RAPGEF1: variants seen among roughly 807,000 people sequenced by gnomAD.
RAPGEF1 encodes the protein Rap guanine nucleotide exchange factor 1.
A neutral mutation model predicts 143.3 loss-of-function variants in RAPGEF1; 33 were observed. That is an observed-to-expected ratio of 0.23 (90% CI 0.17 to 0.31). The LOEUF (loss-of-function observed/expected upper bound fraction) is 0.31, where lower values mean the gene tolerates loss of function less well. Among genes scored for constraint, RAPGEF1 ranks in the 10% least tolerant of loss-of-function variants. The pLI is 1.00. For missense variants in RAPGEF1, 1,199 were observed against 1,645.4 expected, an observed-to-expected ratio of 0.73 and a Z score of 4.69; for synonymous variants, 629 against 676.5, an observed-to-expected ratio of 0.93 and a Z score of 1.09.
chr9:131,598,454 G>A (rs1955677373), intron 15 of RAPGEF1, 144 bp from the exon 16 acceptor site: 2 of 720,576 alleles, frequency 2.8e-6, no homozygotes, highest in Non-Finnish European at 5.0e-6. Flanking sequence ...CTATGGACTG[G>A]ATCCTCAGCT....
rs367704915 is a variant in RAPGEF1 at position 131,605,127 on chromosome 9, G to A, written c.2123C>T (p.Pro708Leu). ...AGAGGAGGTAGGCGGAAGGAAAGGC[G>A]GAACGGAAGCTTGGTGGTGAGGCAC... ...DFVPHHQASV[P>L]PFLPPTSSSS... Residue 708 changes from proline (P) to leucine (L), a missense_variant, in exon 13 of 27, where the codon CCG becomes CTG. Transcript: ENST00000683357. 5.9e-6 allele frequency: 8 copies of A among 1,363,404 alleles called. No homozygotes were observed. Among genetic ancestry groups the A allele is most frequent in the South Asian group, 2.3e-5 (2 of 87,252 alleles). 84.5% of individuals were successfully genotyped at this position (1,363,404 alleles called of 1,614,324 possible). A position where few individuals can be genotyped will look rare whatever the true frequency, so the allele number is the denominator to read the frequency against.
intron 19 of RAPGEF1, among the ~76,000 whole-genome samples, chr9:131,589,438 G>A (rs1398408565): frequency 6.6e-6 from 1 of 152,254 alleles, no homozygotes. Flanking sequence ...CCAGCAGGAG[G>A]AAGGCAGTCC....
chr9:131,691,390 T>C (rs1343117995), intron 1 of RAPGEF1, among the ~76,000 whole-genome samples: 1 of 152,218 alleles, frequency 6.6e-6, no homozygotes, highest in African/African-American at 2.4e-5. Flanking sequence ...TAGGCTTATC[T>C]GATCATCTGA....
chr9:131,582,186 A>C lies in RAPGEF1; in HGVS notation c.3512+419T>G, dbSNP rs149429415. On this transcript the variant is annotated intron_variant, in intron 25 of 26. Transcript: ENST00000683357. ...TCTCAAGGTCCCTGGGTGGCCGTGC[A>C]TCCTCAGGTTGTTCTAATGCGCAGC... Among the ~76,000 whole-genome samples, 482 of 152,158 alleles carry C rather than the reference A, an allele frequency of 3.2e-3. 2 individuals are homozygous for C. The highest frequency in any genetic ancestry group is 0.011 in the African/African-American group (457 of 41,506).
chr9:131,644,311 G>A (rs1193062586), intron 3 of RAPGEF1, among the ~76,000 whole-genome samples: 2 of 151,738 alleles, frequency 1.3e-5, no homozygotes, highest in East Asian at 3.9e-4. Flanking sequence ...CCAGGTCTCA[G>A]CTGGCTGGCA....
At chr9:131,649,200 ATTTTTTTTTTTTTTT>A (rs55813422) in intron 3 of RAPGEF1, among the ~76,000 whole-genome samples, 117 of 87,254 alleles carry the variant, frequency 1.3e-3, no homozygotes, top group Middle Eastern at 7.1e-3. Context: ...GCCTGGCTAA[ATTTTTTTTTTTTTTT>A]TTTTTTTTTT....
intron 1 of RAPGEF1, among the ~76,000 whole-genome samples, chr9:131,725,750 A>C (rs1836613596): frequency 3.4e-5 from 5 of 148,706 alleles, no homozygotes. Context: ...CCATTTAAAA[A>C]TTGGGTTGTG....
chr9:131,610,378 C>T (rs1214898301), intron 12 of RAPGEF1, among the ~76,000 whole-genome samples: 2 of 152,206 alleles, frequency 1.3e-5, no homozygotes, highest in African/African-American at 2.4e-5. Context: ...ACTTGAGCTC[C>T]AAGCCCTGGA....
chr9:131,701,261 G>A (rs746748789), intron 1 of RAPGEF1, among the ~76,000 whole-genome samples: 14 of 152,106 alleles, frequency 9.2e-5, no homozygotes, highest in Admixed American at 2.0e-4. Flanking sequence ...CAATGGCTAC[G>A]GATAGATATT....
chr9:131,624,106 G>A (rs572361772), intron 10 of RAPGEF1, among the ~76,000 whole-genome samples: 7 of 152,144 alleles, frequency 4.6e-5, no homozygotes, highest in South Asian at 4.2e-4. Context: ...CTTCCTCCTC[G>A]GCTTGGGAGG....
At chr9:131,630,095 C>A (rs535355573) in intron 6 of RAPGEF1, 141 bp downstream of exon 6, 90 of 670,824 alleles carry the variant, frequency 1.3e-4, no homozygotes, top group South Asian at 1.1e-3. Flanking sequence ...AATATACACA[C>A]ACTGCTAACC....
intron 1 of RAPGEF1, among the ~76,000 whole-genome samples, chr9:131,718,348 T>C (rs78009756): frequency 0.017 from 2,520 of 152,174 alleles, 32 homozygotes; most frequent in Middle Eastern, 0.034. Context: ...TCGCTTCACA[T>C]GTGTGGGGAA....
At chr9:131,730,014 GA>G (rs1836927807) in intron 1 of RAPGEF1, among the ~76,000 whole-genome samples, 1 of 151,652 alleles carries the variant, frequency 6.6e-6, no homozygotes, top group Non-Finnish European at 1.5e-5. Context: ...CTAACATGGT[GA>G]AACCCCGTTT....
intron 1 of RAPGEF1, among the ~76,000 whole-genome samples, chr9:131,660,687 CAT>C (rs1973822899): frequency 6.6e-6 from 1 of 152,204 alleles, no homozygotes; most frequent in Admixed American, 6.5e-5. Flanking sequence ...CTGGATGCGA[CAT>C]AGTCAAACTG....
intron 1 of RAPGEF1, among the ~76,000 whole-genome samples, chr9:131,731,050 T>C (rs1394003955): frequency 1.3e-5 from 2 of 152,146 alleles, no homozygotes; most frequent in Admixed American, 6.6e-5. Flanking sequence ...GCATGGGGAA[T>C]AGTCAGATGG....
intron 1 of RAPGEF1, among the ~76,000 whole-genome samples, chr9:131,734,897 A>C (rs1324207650): frequency 5.9e-5 from 9 of 152,252 alleles, no homozygotes; most frequent in Admixed American, 5.9e-4. Context: ...ATCTTCAGGC[A>C]GCGTGCTGGG....
At position 131,582,705 on chromosome 9, in the gene RAPGEF1, G is replaced by T; in HGVS notation, c.3415-3C>A. On this transcript the variant is annotated splice_polypyrimidine_tract_variant and splice_region_variant and intron_variant, in intron 24 of 26. Coordinates refer to ENST00000683357, the MANE Select transcript of RAPGEF1 (RefSeq NM_001377935.1). Reference sequence around the variant, plus strand: ...AGTGTGCAGTACTCGGCCAGGCCCTGGCAGGACAGGACAGGACAGGACCGG... The same window carrying T: ...AGTGTGCAGTACTCGGCCAGGCCCTTGCAGGACAGGACAGGACAGGACCGG... 2 of 1,561,938 alleles carry T rather than the reference G, an allele frequency of 1.3e-6. No individual in the cohort carries two copies. The highest frequency in any genetic ancestry group is 2.4e-5 in the South Asian group (2 of 83,212).
intron 1 of RAPGEF1, among the ~76,000 whole-genome samples, chr9:131,678,455 A>G (rs1483191381): frequency 6.6e-6 from 1 of 152,222 alleles, no homozygotes; most frequent in East Asian, 1.9e-4. Context: ...CAAAAAATCA[A>G]TAGTCTGATA....
chr9:131,635,138 G>A lies in RAPGEF1; in HGVS notation c.651+3497C>T, dbSNP rs557000342. ...CTGTCAAAAATGGTCACTGTGAGCCGTTAGAAATGAACACTTCTCCAGGTA... is the reference window on the plus strand; with the variant it reads ...CTGTCAAAAATGGTCACTGTGAGCCATTAGAAATGAACACTTCTCCAGGTA... On this transcript the variant is annotated intron_variant, in intron 5 of 26. Coordinates refer to ENST00000683357, the MANE Select transcript of RAPGEF1 (RefSeq NM_001377935.1). 3.9e-5 allele frequency among the ~76,000 whole-genome samples: 6 copies of A among 152,272 alleles called. No individual in the cohort carries two copies. The South Asian group carries it at 6.2e-4, about 16-fold the overall frequency.
Sources: gnomAD v4.1 joint callset for allele counts (sites outside exome capture counted in the v4.1 genomes callset) on GRCh38, gnomAD v4.1.1 for gene constraint, MANE v1.5 for transcripts, NCBI Gene and HGNC (gene_info 2026-07-23, HGNC 2026-07-21) for gene names.